Variants in ASIC2 observed in about 807,000 individuals in gnomAD.
ASIC2 encodes acid sensing ion channel subunit 2.
ASIC2 carries 25 observed loss-of-function variants against 57.3 expected under a neutral mutation model. That is an observed-to-expected ratio of 0.44 (90% CI 0.32 to 0.61). The LOEUF (loss-of-function observed/expected upper bound fraction) is 0.61, where lower values mean the gene tolerates loss of function less well. ASIC2 is among the 20% of genes least tolerant of loss of function. ASIC2 has a pLI of 0.06. For synonymous variants in ASIC2, 319 were observed against 307.5 expected (o/e 1.04, Z -0.39); for missense variants, 641 against 738.1 (o/e 0.87, Z 1.52).
chr17:33,401,716 G>A (rs9898140), intron 1 of ASIC2, among the ~76,000 whole-genome samples: 36,049 of 151,964 alleles, frequency 0.24, 4,891 homozygotes, highest in East Asian at 0.66. Context: ...ATCTTTGTTC[G>A]CTTCCCAGGA....
At chr17:33,237,474 C>CA (rs1248841212) in intron 1 of ASIC2, among the ~76,000 whole-genome samples, 2 of 152,086 alleles carry the variant, frequency 1.3e-5, no homozygotes, top group African/African-American at 2.4e-5. Context: ...CCTCAGCTTC[C>CA]CAAGTAGCTG....
chr17:33,447,574 G>A (rs1160690110), intron 1 of ASIC2, among the ~76,000 whole-genome samples: 3 of 152,216 alleles, frequency 2.0e-5, no homozygotes, highest in African/African-American at 4.8e-5. Context: ...AGCTGTGAAA[G>A]TGTAAAGCAG....
At chr17:33,751,550 A>G (rs1369671001) in intron 1 of ASIC2, among the ~76,000 whole-genome samples, 1 of 152,080 alleles carries the variant, frequency 6.6e-6, no homozygotes, top group Non-Finnish European at 1.5e-5. Flanking sequence ...TATTGCGACT[A>G]GAATTTTGAA....
chr17:33,486,255 G>A (rs965903328), intron 1 of ASIC2, among the ~76,000 whole-genome samples: 7 of 152,198 alleles, frequency 4.6e-5, no homozygotes, highest in African/African-American at 1.7e-4. Flanking sequence ...TTAGCTCTAT[G>A]TTGTGGGCAT....
chr17:33,938,616 T>C (rs1186557826), intron 1 of ASIC2, among the ~76,000 whole-genome samples: 1 of 152,202 alleles, frequency 6.6e-6, no homozygotes, highest in Non-Finnish European at 1.5e-5. Flanking sequence ...GACTTAGAGA[T>C]GGAGAGTTAT....
chr17:34,039,881 C>A, intron 1 of ASIC2: 1 of 1,577,348 alleles, frequency 6.3e-7, no homozygotes. Context: ...ATTTCTACTG[C>A]CGCCGCCGCC....
At chr17:34,093,053 G>T (rs1192559043) in intron 1 of ASIC2, among the ~76,000 whole-genome samples, 1 of 152,086 alleles carries the variant, frequency 6.6e-6, no homozygotes, top group Admixed American at 6.6e-5. Context: ...ACTTTTCCCT[G>T]CTGAAACGTT....
chr17:33,689,821 C>T (rs1243926851), intron 1 of ASIC2, among the ~76,000 whole-genome samples: 1 of 152,186 alleles, frequency 6.6e-6, no homozygotes, highest in East Asian at 1.9e-4. Context: ...GAGCAGAAGG[C>T]CATGTGATAG....
At chr17:33,616,844 T>G (rs2142018743) in intron 1 of ASIC2, among the ~76,000 whole-genome samples, 1 of 152,308 alleles carries the variant, frequency 6.6e-6, no homozygotes, top group East Asian at 1.9e-4. Context: ...CTTCAACAGA[T>G]AGTGGATATG....
At chr17:33,442,523 A>G (rs2141984828) in intron 1 of ASIC2, among the ~76,000 whole-genome samples, 1 of 152,330 alleles carries the variant, frequency 6.6e-6, no homozygotes, top group South Asian at 2.1e-4. Flanking sequence ...TTTTGATGAC[A>G]TCATAAATGG....
chr17:33,562,444 C>T (rs1435133527), intron 1 of ASIC2, among the ~76,000 whole-genome samples: 4 of 152,204 alleles, frequency 2.6e-5, no homozygotes, highest in African/African-American at 9.6e-5. Context: ...TCCTAATCAT[C>T]AGCCTTGTAT....
intron 1 of ASIC2, among the ~76,000 whole-genome samples, chr17:33,579,342 T>C (rs955854689): frequency 6.7e-6 from 1 of 149,794 alleles, no homozygotes; most frequent in Non-Finnish European, 1.5e-5. Flanking sequence ...CAGGGCACAC[T>C]GGAACACGAT....
chr17:33,953,605 C>T (rs1232100240), intron 1 of ASIC2, among the ~76,000 whole-genome samples: 2 of 151,914 alleles, frequency 1.3e-5, no homozygotes, highest in African/African-American at 4.8e-5. Flanking sequence ...GTGTATAAAC[C>T]CTGTCAAAAA....
At chr17:33,995,136 T>C (rs897583930) in intron 1 of ASIC2, among the ~76,000 whole-genome samples, 7 of 152,120 alleles carry the variant, frequency 4.6e-5, no homozygotes, top group Non-Finnish European at 8.8e-5. Context: ...GTGTCATCCC[T>C]GTAGACAGTA....
In ASIC2 at chr17:33,982,907, T is replaced by C. The variant is rs556173515; in HGVS notation, c.555+173071A>G. On this transcript the variant is annotated intron_variant, in intron 1 of 9. Transcript: ENST00000359872. ...ATCATATGCTTATACACATTATGTG[T>C]ATACATATACAAGAACTCAAAGTCT... is the stretch of plus-strand genomic sequence containing the variant. 3.3e-5 allele frequency among the ~76,000 whole-genome samples: 5 copies of C among 152,348 alleles called. No individual in the cohort carries two copies. In the South Asian group the frequency reaches 1.0e-3, roughly 32 times the overall value.
At chr17:33,357,486 A>G (rs555097920) in intron 1 of ASIC2, among the ~76,000 whole-genome samples, 2 of 152,150 alleles carry the variant, frequency 1.3e-5, no homozygotes, top group Non-Finnish European at 1.5e-5. Flanking sequence ...TGGGACCACT[A>G]TCTAGGCACC....
In ASIC2 at chr17:33,841,019, G is replaced by T. The variant is rs1019456241; in HGVS notation, c.555+314959C>A. Among the ~76,000 whole-genome samples the T allele has an allele frequency of 2.6e-5, 4 of 152,028 alleles. No individual in the cohort carries two copies. The East Asian group carries it at 7.7e-4, about 29-fold the overall frequency. On this transcript the variant is annotated intron_variant, in intron 1 of 9. Coordinates refer to the ASIC2 transcript ENST00000359872. ...CAAGTGGAGGATCCCTTAATTTTCA[G>T]GAACCTGGAGACCACCTGAACAAGA...
In ASIC2 at chr17:33,413,424, A is replaced by G. The variant is rs145271859; in HGVS notation, c.556-301357T>C. ...CTTGGTCCGATTGCAGCCTGAATAC[A>G]GTCAATTTTACCTCCTAACTATCTC... On this transcript the variant is annotated intron_variant, in intron 1 of 9. Coordinates refer to the ASIC2 transcript ENST00000359872. 3.5e-3 allele frequency among the ~76,000 whole-genome samples: 533 copies of G among 152,318 alleles called. 5 individuals are homozygous for G. Among genetic ancestry groups the G allele is most frequent in the African/African-American group, 0.012 (505 of 41,568 alleles).
chr17:34,120,722 CT>C (rs142959293), intron 1 of ASIC2, among the ~76,000 whole-genome samples: 43,478 of 94,552 alleles, frequency 0.46, 8,308 homozygotes, highest in South Asian at 0.56. Flanking sequence ...TGGGGTCCTT[CT>C]TTTTTTTTTT....
Sources: allele counts gnomAD v4.1 joint callset (sites outside exome capture counted in the v4.1 genomes callset), GRCh38; gene constraint gnomAD v4.1.1; transcripts MANE v1.5; gene names NCBI Gene and HGNC (gene_info 2026-07-23, HGNC 2026-07-21).